The following ARHGEF4 variants were observed in gnomAD, a reference collection of about 807,000 sequenced individuals.
ARHGEF4 encodes APC-stimulated guanine nucleotide exchange factor 1.
ARHGEF4 carries 119 observed loss-of-function variants against 162.0 expected under a neutral mutation model. The observed-to-expected ratio is 0.73, with a 90% CI of 0.63 to 0.86. The LOEUF (loss-of-function observed/expected upper bound fraction) is 0.86, where lower values mean the gene tolerates loss of function less well. Among genes scored for constraint, ARHGEF4 ranks in the 40% least tolerant of loss-of-function variants. The pLI is 0.00. For missense variants in ARHGEF4, 2,488 were observed against 2,456.0 expected, an observed-to-expected ratio of 1.01 and a Z score of -0.28; for synonymous variants, 1,014 against 979.9, an observed-to-expected ratio of 1.03 and a Z score of -0.65.
chr2:131,039,308 C>T (rs1030512954), intron 6 of ARHGEF4: 1 of 1,250,664 alleles, frequency 8.0e-7, no homozygotes, highest in East Asian at 3.7e-5. Context: ...CCCGCAACTC[C>T]AGGCGCTAGA....
At chr2:130,918,022 A>T (rs1287066559) in intron 2 of ARHGEF4, among the ~76,000 whole-genome samples, 2 of 150,992 alleles carry the variant, frequency 1.3e-5, no homozygotes, top group South Asian at 2.1e-4. Flanking sequence ...GGGTTTCACC[A>T]TGTTGGCCAG....
intron 4 of ARHGEF4, among the ~76,000 whole-genome samples, chr2:131,024,496 T>C (rs568525363): frequency 2.6e-5 from 4 of 152,154 alleles, no homozygotes; most frequent in African/African-American, 9.7e-5. Context: ...AGGCTGGTCT[T>C]GATCTCCTGA....
intron 1 of ARHGEF4, among the ~76,000 whole-genome samples, chr2:130,888,307 A>C (rs1679643070): frequency 6.6e-6 from 1 of 151,962 alleles, no homozygotes; most frequent in African/African-American, 2.4e-5. Flanking sequence ...CCCCGTCTCT[A>C]CTAAAATACA....
At chr2:130,866,185 GCA>G (rs1682263691) in intron 1 of ARHGEF4, among the ~76,000 whole-genome samples, 1 of 152,098 alleles carries the variant, frequency 6.6e-6, no homozygotes, top group Admixed American at 6.5e-5. Context: ...GATCTGGGCA[GCA>G]CAGCAAGGCC....
At chr2:130,891,340 T>A (rs940048548) in intron 1 of ARHGEF4, among the ~76,000 whole-genome samples, 4 of 152,240 alleles carry the variant, frequency 2.6e-5, no homozygotes, top group Non-Finnish European at 4.4e-5. Context: ...TCACTTGTGC[T>A]GTATTTGCCT....
At chr2:130,911,647 C>T (rs1283039866) in intron 1 of ARHGEF4, among the ~76,000 whole-genome samples, 3 of 152,236 alleles carry the variant, frequency 2.0e-5, no homozygotes, top group African/African-American at 4.8e-5. Context: ...GCGCAGACTA[C>T]ACCAGCTTTG....
At chr2:131,023,985 T>C (rs1312109972) in intron 4 of ARHGEF4, among the ~76,000 whole-genome samples, 1 of 152,168 alleles carries the variant, frequency 6.6e-6, no homozygotes, top group Non-Finnish European at 1.5e-5. Context: ...GCAGCTGGGA[T>C]AGAGTGCAGG....
rs780941191 is a variant in ARHGEF4, at chr2:131,039,036, T to G, written c.4305+4T>G. The G allele has an allele frequency of 1.9e-6, 3 of 1,608,080 alleles. No individual in the cohort carries two copies. Among genetic ancestry groups the G allele is most frequent in the East Asian group, 4.5e-5 (2 of 44,762 alleles). On this transcript the variant is annotated splice_donor_region_variant and intron_variant, in intron 6 of 13. Transcript: ENST00000409359. ...GTTTCCAGCCAGCTTCGTTCGGGTA[T>G]GGTTCCAAGCCCCAGCTTCTCCCAA...
chr2:130,850,748 G>A (rs1681353816), intron 1 of ARHGEF4, among the ~76,000 whole-genome samples: 2 of 152,226 alleles, frequency 1.3e-5, no homozygotes, highest in Non-Finnish European at 2.9e-5. Flanking sequence ...GGGGACTGAG[G>A]TGCATGTAGA....
intron 5 of ARHGEF4, among the ~76,000 whole-genome samples, chr2:131,034,571 A>G (rs2059420): frequency 0.93 from 141,445 of 152,288 alleles, 66,204 homozygotes; most frequent in Non-Finnish European, 0.99. Flanking sequence ...CAGAATCCCT[A>G]ACCTTTCAGA....
chr2:130,837,502 G>A, intron 1 of ARHGEF4: 1 of 379,828 alleles, frequency 2.6e-6, no homozygotes, highest in Non-Finnish European at 5.2e-6. Flanking sequence ...GCAAGGGGCT[G>A]GAACTGGGGT....
chr2:130,869,357 T>C lies in ARHGEF4; in HGVS notation c.39+32365T>C, dbSNP rs116261662. On this transcript the variant is annotated intron_variant, in intron 1 of 13. Coordinates refer to ENST00000409359, the MANE Select transcript of ARHGEF4 (RefSeq NM_001367493.1). Reference sequence around the variant, plus strand: ...CCCACAGAACTTGGAGCCGGATAGATGTGGAATGGGTGAGGGAGGAAGTCT... The same window carrying C: ...CCCACAGAACTTGGAGCCGGATAGACGTGGAATGGGTGAGGGAGGAAGTCT... Among the ~76,000 whole-genome samples the C allele has an allele frequency of 5.4e-3, 818 of 152,148 alleles. 7 individuals carry two copies. The highest frequency in any genetic ancestry group is 0.018 in the African/African-American group (755 of 41,514).
chr2:130,965,062 G>T (rs1316030610), intron 4 of ARHGEF4, among the ~76,000 whole-genome samples: 2 of 152,240 alleles, frequency 1.3e-5, no homozygotes, highest in Non-Finnish European at 2.9e-5. Flanking sequence ...AAGGGCAACA[G>T]TTGCTGCCTG....
chr2:130,922,111 T>A (rs1358638269), intron 2 of ARHGEF4, among the ~76,000 whole-genome samples: 1 of 152,020 alleles, frequency 6.6e-6, no homozygotes, highest in Non-Finnish European at 1.5e-5. Context: ...GGCTCAAGCC[T>A]GTAATCTCAG....
In ARHGEF4 at chr2:130,851,312, G is replaced by A. The variant is rs373346939; in HGVS notation, c.39+14320G>A. Among the ~76,000 whole-genome samples, 28 of 152,368 alleles carry A rather than the reference G, an allele frequency of 1.8e-4. No homozygotes were observed. In the East Asian group the frequency reaches 4.1e-3, roughly 22 times the overall value. On this transcript the variant is annotated intron_variant, in intron 1 of 13. Coordinates refer to ENST00000409359, the MANE Select transcript of ARHGEF4 (RefSeq NM_001367493.1). ...CGCCAACTGTCAGGAGGGTGCTGGC[G>A]CCAGCTCCGCAGCCAGCCCTGGTTC...
chr2:131,020,859 T>G (rs1689079499), intron 4 of ARHGEF4, among the ~76,000 whole-genome samples: 1 of 152,172 alleles, frequency 6.6e-6, no homozygotes, highest in East Asian at 1.9e-4. Flanking sequence ...ACCTGTTGTT[T>G]CCTGACTTTT....
intron 4 of ARHGEF4, among the ~76,000 whole-genome samples, chr2:130,976,914 G>A (rs896348313): frequency 1.3e-5 from 2 of 151,932 alleles, no homozygotes; most frequent in African/African-American, 4.8e-5. Flanking sequence ...TGTGTGGTGT[G>A]TATGGTGTGT....
chr2:130,980,949 A>G (rs1294598594), intron 4 of ARHGEF4, among the ~76,000 whole-genome samples: 1 of 152,214 alleles, frequency 6.6e-6, no homozygotes, highest in East Asian at 1.9e-4. Flanking sequence ...TCTGAAACCA[A>G]CTCAAATTGT....
chr2:130,949,576 G>C (rs560680131), intron 4 of ARHGEF4, among the ~76,000 whole-genome samples: 1 of 151,992 alleles, frequency 6.6e-6, no homozygotes. Context: ...GGGTGGTCTC[G>C]ATCTCCTGAC....
Sources: gnomAD v4.1 joint callset for allele counts (sites outside exome capture counted in the v4.1 genomes callset) on GRCh38, gnomAD v4.1.1 for gene constraint, MANE v1.5 for transcripts, NCBI Gene and HGNC (gene_info 2026-07-23, HGNC 2026-07-21) for gene names.